AFG1L: variants seen among roughly 807,000 people sequenced by gnomAD.
The protein encoded by AFG1L is AFG1-like ATPase.
A neutral mutation model predicts 62.2 loss-of-function variants in AFG1L; 53 were observed. The observed-to-expected ratio is 0.85, with a 90% CI of 0.68 to 1.07. The LOEUF is 1.07. Ranked by LOEUF, AFG1L falls within the 50% of genes least tolerant of loss-of-function variation. The pLI is 0.00. For synonymous variants in AFG1L, 228 were observed against 210.3 expected, an observed-to-expected ratio of 1.08 and a Z score of -0.73; for missense variants, 555 against 590.5, an observed-to-expected ratio of 0.94 and a Z score of 0.62.
At chr6:108,305,428 C>T (rs1777165426) in intron 1 of AFG1L, among the ~76,000 whole-genome samples, 1 of 152,194 alleles carries the variant, frequency 6.6e-6, no homozygotes, top group South Asian at 2.1e-4. Flanking sequence ...CTCTATTACT[C>T]AGGCTGGAGT....
At chr6:108,298,939 G>A (rs993819005) in intron 1 of AFG1L, among the ~76,000 whole-genome samples, 3 of 152,082 alleles carry the variant, frequency 2.0e-5, no homozygotes, top group African/African-American at 7.2e-5. Flanking sequence ...AGCTGAGGGA[G>A]GGAATTCAGA....
At chr6:108,471,465 CTTCTTTTT>C (rs1772890408) in intron 8 of AFG1L, among the ~76,000 whole-genome samples, 4 of 110,254 alleles carry the variant, frequency 3.6e-5, no homozygotes, top group South Asian at 3.3e-4. Flanking sequence ...TCGTGTTCTT[CTTCTTTTT>C]TTTTTTTTTT....
chr6:108,424,866 AGTTTT>A (rs1283135730), intron 7 of AFG1L, among the ~76,000 whole-genome samples: 2 of 152,038 alleles, frequency 1.3e-5, no homozygotes, highest in Non-Finnish European at 2.9e-5. Flanking sequence ...ATGAAACTGG[AGTTTT>A]GTTTTGCCTT....
intron 8 of AFG1L, among the ~76,000 whole-genome samples, chr6:108,448,342 C>T (rs1168693603): frequency 1.3e-5 from 2 of 152,020 alleles, no homozygotes; most frequent in Admixed American, 6.6e-5. Context: ...TTTGTGTTTA[C>T]TGGATATTTT....
At chr6:108,341,943 A>G (rs2114395256) in intron 2 of AFG1L, among the ~76,000 whole-genome samples, 1 of 152,310 alleles carries the variant, frequency 6.6e-6, no homozygotes. Flanking sequence ...GATGTATCAG[A>G]GTCCTGGCAG....
intron 3 of AFG1L, among the ~76,000 whole-genome samples, chr6:108,349,829 A>G (rs1486330604): frequency 1.3e-5 from 2 of 152,066 alleles, no homozygotes; most frequent in African/African-American, 2.4e-5. Context: ...AGGTGGGAGG[A>G]TCACTTGAGC....
At chr6:108,362,863 A>T (rs1483401314) in intron 5 of AFG1L, among the ~76,000 whole-genome samples, 1 of 152,346 alleles carries the variant, frequency 6.6e-6, no homozygotes, top group East Asian at 1.9e-4. Flanking sequence ...CCTAAAAATT[A>T]TCCTTAAGCC....
intron 1 of AFG1L, among the ~76,000 whole-genome samples, chr6:108,319,097 A>G (rs1777714907): frequency 6.6e-6 from 1 of 152,170 alleles, no homozygotes; most frequent in African/African-American, 2.4e-5. Context: ...TGAAGTCTAC[A>G]CTATTAAATC....
chr6:108,514,469 G>A (rs2114907490), intron 11 of AFG1L, among the ~76,000 whole-genome samples: 1 of 152,210 alleles, frequency 6.6e-6, no homozygotes, highest in East Asian at 1.9e-4. Flanking sequence ...TCACCACCAG[G>A]CCTGCCCTAA....
At chr6:108,490,214 C>T (rs1468352054) in intron 10 of AFG1L, among the ~76,000 whole-genome samples, 1 of 152,090 alleles carries the variant, frequency 6.6e-6, no homozygotes, top group African/African-American at 2.4e-5. Flanking sequence ...CAAAAATTAG[C>T]TGGGTGTGGT....
chr6:108,457,919 CTCTT>C (rs892999065), intron 8 of AFG1L, among the ~76,000 whole-genome samples: 5 of 150,594 alleles, frequency 3.3e-5, no homozygotes, highest in East Asian at 2.0e-4. Context: ...TCCTTCCTCT[CTCTT>C]TCTTCCTTCC....
intron 7 of AFG1L, among the ~76,000 whole-genome samples, chr6:108,424,703 A>G (rs557469698): frequency 3.3e-5 from 5 of 152,246 alleles, no homozygotes; most frequent in African/African-American, 9.6e-5. Context: ...ACTAGCAATT[A>G]TGTAAATTGC....
intron 1 of AFG1L, among the ~76,000 whole-genome samples, chr6:108,299,403 G>A (rs544662629): frequency 1.3e-5 from 2 of 152,168 alleles, no homozygotes; most frequent in South Asian, 2.1e-4. Flanking sequence ...CAATAAAAAA[G>A]CAATTGAGGT....
intron 2 of AFG1L, among the ~76,000 whole-genome samples, chr6:108,331,162 C>T (rs1010041214): frequency 6.6e-6 from 1 of 152,024 alleles, no homozygotes; most frequent in African/African-American, 2.4e-5. Flanking sequence ...TGGTACATGC[C>T]TGTGGTCCAC....
intron 3 of AFG1L, among the ~76,000 whole-genome samples, chr6:108,352,255 G>T (rs2114442717): frequency 6.6e-6 from 1 of 152,170 alleles, no homozygotes; most frequent in African/African-American, 2.4e-5. Flanking sequence ...TTGTCCTTTT[G>T]GGTCTGGATT....
intron 7 of AFG1L, among the ~76,000 whole-genome samples, chr6:108,417,841 T>C (rs1227854887): frequency 6.6e-6 from 1 of 152,130 alleles, no homozygotes; most frequent in East Asian, 1.9e-4. Context: ...TTATTTTATT[T>C]ATATTTTTTT....
At position 108,306,720 on chromosome 6, in the gene AFG1L, G is replaced by C. The variant is rs116187234; in HGVS notation, c.139+11502G>C. 9.9e-3 allele frequency among the ~76,000 whole-genome samples: 1,500 copies of C among 152,274 alleles called. 18 individuals are homozygous for C. Among genetic ancestry groups the C allele is most frequent in the African/African-American group, 0.033 (1,390 of 41,552 alleles). On this transcript the variant is annotated intron_variant, in intron 1 of 12. Coordinates refer to ENST00000368977, the MANE Select transcript of AFG1L (RefSeq NM_145315.5). ...AGCAGTCTTTTGTGCTGTCGGTCAA[G>C]TCTCACAACATAGTTTCTAGATCCT...
chr6:108,327,383 AC>A (rs1013514813), intron 2 of AFG1L, among the ~76,000 whole-genome samples: 2 of 152,242 alleles, frequency 1.3e-5, no homozygotes, highest in Non-Finnish European at 2.9e-5. Flanking sequence ...ATAACAAAAT[AC>A]CATAAACTGG....
At chr6:108,391,899 T>C (rs1781072986) in intron 6 of AFG1L, among the ~76,000 whole-genome samples, 1 of 152,302 alleles carries the variant, frequency 6.6e-6, no homozygotes, top group East Asian at 1.9e-4. Flanking sequence ...ACATTGTAGG[T>C]AGAGACTGAA....
Sources: gnomAD v4.1 joint callset for allele counts (sites outside exome capture counted in the v4.1 genomes callset) on GRCh38, gnomAD v4.1.1 for gene constraint, MANE v1.5 for transcripts, NCBI Gene and HGNC (gene_info 2026-07-23, HGNC 2026-07-21) for gene names.